TMEM38B: variants seen among roughly 807,000 people sequenced by gnomAD.
TMEM38B encodes trimeric intracellular cation channel type B.
A neutral mutation model predicts 28.7 loss-of-function variants in TMEM38B; 24 were observed. The observed-to-expected ratio is 0.84, with a 90% CI of 0.61 to 1.18. The LOEUF (loss-of-function observed/expected upper bound fraction) is 1.18, where lower values mean the gene tolerates loss of function less well. TMEM38B is among the 50% of genes most tolerant of loss of function. The pLI is 0.00. For synonymous variants in TMEM38B, 131 were observed against 127.7 expected (o/e 1.03, Z -0.17); for missense variants, 380 against 350.9 (o/e 1.08, Z -0.66).
chr9:105,704,303 A>C (rs1281429511), intron 1 of TMEM38B, among the ~76,000 whole-genome samples: 1 of 152,140 alleles, frequency 6.6e-6, no homozygotes, highest in Non-Finnish European at 1.5e-5. Flanking sequence ...AGGCTGAGGC[A>C]TGAGACGTGC....
chr9:105,738,111 GC>G (rs1300317204), intron 4 of TMEM38B, among the ~76,000 whole-genome samples: 1 of 152,150 alleles, frequency 6.6e-6, no homozygotes, highest in East Asian at 1.9e-4. Context: ...TAGCACAGTA[GC>G]AGGTTGGGCT....
At chr9:105,697,184 C>T (rs1376703733) in intron 1 of TMEM38B, among the ~76,000 whole-genome samples, 1 of 152,172 alleles carries the variant, frequency 6.6e-6, no homozygotes. Context: ...TTTCCTCACC[C>T]ACCCTAAATT....
At chr9:105,706,080 G>A (rs977686238) in intron 2 of TMEM38B, among the ~76,000 whole-genome samples, 2 of 151,822 alleles carry the variant, frequency 1.3e-5, no homozygotes, top group Admixed American at 6.6e-5. Flanking sequence ...TTGTATTTTT[G>A]TAGAGACGGG....
In TMEM38B at chr9:105,748,181, G is replaced by A. The variant is rs1380205673; in HGVS notation, c.651G>A (p.Val217=). Residue 217 remains valine (V), a synonymous_variant, in exon 5 of 6, where the codon GTG becomes GTA. Coordinates refer to ENST00000374692, the MANE Select transcript of TMEM38B (RefSeq NM_018112.3). ...TGTTCCTTTATACCATCTTTATTGTGGCCACAAAGGTAAGAATTCAAAGTA... is the reference window on the plus strand; with the variant it reads ...TGTTCCTTTATACCATCTTTATTGTAGCCACAAAGGTAAGAATTCAAAGTA... ...NLMFLYTIFI[V]ATKITMMTTQ... 53 of 1,603,984 alleles carry A rather than the reference G, an allele frequency of 3.3e-5. No individual in the cohort carries two copies. The highest frequency in any genetic ancestry group is 4.4e-5 in the Non-Finnish European group (51 of 1,172,140).
intron 4 of TMEM38B, among the ~76,000 whole-genome samples, chr9:105,732,735 G>A (rs1836804131): frequency 1.3e-5 from 2 of 152,158 alleles, no homozygotes; most frequent in South Asian, 4.1e-4. Context: ...TTTGAAGTCA[G>A]GTAGCGTGAT....
chr9:105,726,435 A>C (rs552769463), intron 4 of TMEM38B, among the ~76,000 whole-genome samples: 1 of 152,112 alleles, frequency 6.6e-6, no homozygotes, highest in Non-Finnish European at 1.5e-5. Flanking sequence ...GAAGACATAA[A>C]CACACACATT....
At chr9:105,753,921 A>G (rs978820764) in intron 5 of TMEM38B, among the ~76,000 whole-genome samples, 3 of 152,230 alleles carry the variant, frequency 2.0e-5, no homozygotes, top group Non-Finnish European at 4.4e-5. Flanking sequence ...CAAGAAACCC[A>G]TATTCCATGC....
chr9:105,752,100 C>A (rs1457208856), intron 5 of TMEM38B, among the ~76,000 whole-genome samples: 1 of 152,164 alleles, frequency 6.6e-6, no homozygotes. Flanking sequence ...TAAGCCGGGC[C>A]ATGATCCATT....
At chr9:105,756,189 C>T (rs1231675731) in intron 5 of TMEM38B, among the ~76,000 whole-genome samples, 2 of 152,138 alleles carry the variant, frequency 1.3e-5, no homozygotes, top group African/African-American at 4.8e-5. Flanking sequence ...AGGTAGATTC[C>T]TTAGGATTTT....
In TMEM38B at chr9:105,750,631, A is replaced by T. The variant is rs7847549; in HGVS notation, c.660+2441A>T. Among the ~76,000 whole-genome samples the T allele has an allele frequency of 2.8e-3, 424 of 151,872 alleles. 4 individuals carry two copies. The highest frequency in any genetic ancestry group is 9.1e-3 in the African/African-American group (374 of 41,290). On this transcript the variant is annotated intron_variant, in intron 5 of 5. Coordinates refer to ENST00000374692, the MANE Select transcript of TMEM38B (RefSeq NM_018112.3). The stretch of plus-strand genomic sequence containing the variant: ...TCTGTCTCAAAAAACAAAAAACAAA[A>T]AACACACATTTTTTTTATGAGTCCA...
At chr9:105,722,434 T>A in intron 3 of TMEM38B, 100 bp from the exon 4 acceptor site, 1 of 983,200 alleles carries the variant, frequency 1.0e-6, no homozygotes, top group Non-Finnish European at 1.6e-6. Context: ...TTGGGAATCC[T>A]CTTGGAATGT....
At chr9:105,696,592 A>G (rs895333444) in intron 1 of TMEM38B, among the ~76,000 whole-genome samples, 1 of 152,248 alleles carries the variant, frequency 6.6e-6, no homozygotes, top group African/African-American at 2.4e-5. Context: ...GGACAGGTCT[A>G]TGCAGTCCTA....
At chr9:105,771,673 T>TA (rs148042912) in intron 5 of TMEM38B, among the ~76,000 whole-genome samples, 3,309 of 152,284 alleles carry the variant, frequency 0.022, 115 homozygotes, top group African/African-American at 0.076. Flanking sequence ...TAATTTAATA[T>TA]AAAAAAGTCC....
chr9:105,718,625 T>G (rs1193131977), intron 2 of TMEM38B, among the ~76,000 whole-genome samples: 2 of 152,202 alleles, frequency 1.3e-5, no homozygotes, highest in Non-Finnish European at 2.9e-5. Flanking sequence ...TAGCTCATAG[T>G]GTATACATCT....
chr9:105,721,597 T>G lies in TMEM38B; in HGVS notation c.330T>G (p.Val110=), dbSNP rs776060297. ...CCCAGGGCTATTCATATCTACCTGT[T>G]CAACTACTGGCTTCGGGAATGAAGG... The part of the protein sequence containing the change: ...LVSQGYSYLP[V]QLLASGMKEV... The change falls in exon 3 of 6, where the codon GTT becomes GTG. Residue 110 remains valine (V), a synonymous_variant. Coordinates refer to ENST00000374692, the MANE Select transcript of TMEM38B (RefSeq NM_018112.3). The G allele has an allele frequency of 1.9e-6, 3 of 1,613,700 alleles. No individual in the cohort carries two copies. Among genetic ancestry groups the G allele is most frequent in the Non-Finnish European group, 8.5e-7 (1 of 1,179,702 alleles).
At chr9:105,710,737 C>T (rs1249092697) in intron 2 of TMEM38B, 1 of 603,356 alleles carries the variant, frequency 1.7e-6, no homozygotes, top group Non-Finnish European at 3.2e-6. Flanking sequence ...GGCTATGTTC[C>T]TGACAAACAG....
intron 4 of TMEM38B, among the ~76,000 whole-genome samples, chr9:105,725,046 G>A (rs769042048): frequency 5.9e-5 from 9 of 152,046 alleles, no homozygotes; most frequent in Non-Finnish European, 1.0e-4. Context: ...AGCAAGTCAA[G>A]TATGGTCTAG....
chr9:105,700,734 A>G (rs2100203298), intron 1 of TMEM38B, among the ~76,000 whole-genome samples: 1 of 152,144 alleles, frequency 6.6e-6, no homozygotes, highest in Non-Finnish European at 1.5e-5. Context: ...AGGATTTATC[A>G]GTTCTGGGCA....
At chr9:105,705,116 A>G (rs1835608118) in intron 1 of TMEM38B, among the ~76,000 whole-genome samples, 1 of 152,184 alleles carries the variant, frequency 6.6e-6, no homozygotes, top group Non-Finnish European at 1.5e-5. Context: ...ATTCCTAAGA[A>G]ACCTTTCACC....
Sources: gnomAD v4.1 joint callset for allele counts (sites outside exome capture counted in the v4.1 genomes callset) on GRCh38, gnomAD v4.1.1 for gene constraint, MANE v1.5 for transcripts, NCBI Gene and HGNC (gene_info 2026-07-23, HGNC 2026-07-21) for gene names.